RNF4: variants seen among roughly 807,000 people sequenced by gnomAD.
RNF4 encodes the protein E3 ubiquitin-protein ligase RNF4.
RNF4 carries 7 observed loss-of-function variants against 24.3 expected under a neutral mutation model. That is an observed-to-expected ratio of 0.29 (90% CI 0.16 to 0.54). The LOEUF is 0.54. Among genes scored for constraint, RNF4 ranks in the 20% least tolerant of loss-of-function variants. The probability of loss-of-function intolerance (pLI) is 0.95; values close to 1 mark genes in which losing one functional copy is unlikely to be tolerated. For synonymous variants in RNF4, 83 were observed against 84.3 expected (o/e 0.98, Z 0.09); for missense variants, 209 against 248.5 (o/e 0.84, Z 1.07).
At chr4:2,491,599 C>T (rs1735580717) in intron 2 of RNF4, among the ~76,000 whole-genome samples, 1 of 152,144 alleles carries the variant, frequency 6.6e-6, no homozygotes, top group Admixed American at 6.6e-5. Flanking sequence ...CCTACCACCA[C>T]ACCCAGCTGA....
intron 2 of RNF4, among the ~76,000 whole-genome samples, chr4:2,495,159 C>T (rs530768641): frequency 1.3e-5 from 2 of 152,338 alleles, no homozygotes; most frequent in East Asian, 1.9e-4. Context: ...CCTCTGGGCC[C>T]TCCTGGGGCT....
chr4:2,512,660 A>G lies in RNF4; in HGVS notation c.374+63A>G. ...GGATGTGGGGCCAGGGCATGGGAAT[A>G]CTTTTCAGCAAATCTGTGAGCCCTT... On this transcript the variant is annotated intron_variant, in intron 6 of 7. Coordinates refer to ENST00000314289, the MANE Select transcript of RNF4 (RefSeq NM_002938.5). The surrounding 1 kb of genome is among the most constrained non-coding windows in gnomAD (Gnocchi z 4.1). The G allele has an allele frequency of 1.3e-6, 2 of 1,572,772 alleles. No homozygotes were observed. Among genetic ancestry groups the G allele is most frequent in the South Asian group, 1.2e-5 (1 of 85,780 alleles).
intron 4 of RNF4, among the ~76,000 whole-genome samples, chr4:2,508,586 T>A (rs1182278356): frequency 6.6e-6 from 1 of 152,024 alleles, no homozygotes; most frequent in Non-Finnish European, 1.5e-5. Context: ...TGGTTTTTGT[T>A]TTGTTTTGTT....
In RNF4 at chr4:2,513,845, C is replaced by T. The variant is rs763470409; in HGVS notation, c.*26C>T. The T allele has an allele frequency of 8.1e-6, 13 of 1,612,890 alleles. No individual in the cohort carries two copies. Among genetic ancestry groups the T allele is most frequent in the African/African-American group, 1.3e-5 (1 of 74,890 alleles). On this transcript the variant is annotated 3_prime_UTR_variant, in exon 8 of 8. Transcript: ENST00000314289. ...AGTATTCAGAGCCCCCCAGGAGAGACGGATGGACAGACAGACAGCCAGGTT... is the reference window on the plus strand; with the variant it reads ...AGTATTCAGAGCCCCCCAGGAGAGATGGATGGACAGACAGACAGCCAGGTT...
In RNF4 at chr4:2,515,126, G is replaced by A. The variant is rs1431336905; in HGVS notation, c.*1307G>A. On this transcript the variant is annotated 3_prime_UTR_variant, in exon 8 of 8. Transcript: ENST00000314289. ...CCTCTTCCACTGTCGTCCTTCCTCA[G>A]AGGGCCTCACGCCAAACAAACGGCC... 6.6e-6 allele frequency: 1 copy of A among 152,656 alleles called. No individual in the cohort carries two copies. The highest frequency in any genetic ancestry group is 1.5e-5 in the Non-Finnish European group (1 of 68,072). 9.5% of individuals were successfully genotyped at this position (152,656 alleles called of 1,614,324 possible).
chr4:2,496,110 T>C (rs1735728685), intron 2 of RNF4, among the ~76,000 whole-genome samples: 1 of 152,114 alleles, frequency 6.6e-6, no homozygotes. Context: ...GACATGGCTC[T>C]TGGGTAGCCA....
chr4:2,505,581 T>G (rs968325820), intron 4 of RNF4: 1 of 151,196 alleles, frequency 6.6e-6, no homozygotes, highest in East Asian at 1.9e-4. Flanking sequence ...CGCCTCGGCC[T>G]CCCAAAGTGC....
At chr4:2,513,028 TATAATA>T (rs1646195473) in intron 6 of RNF4, 49 bp from the exon 7 acceptor site, 1 of 1,527,984 alleles carries the variant, frequency 6.5e-7, no homozygotes. Flanking sequence ...CGTGACAGGG[TATAATA>T]AAATGTTTGC....
At chr4:2,488,284 G>A (rs1735473846) in intron 1 of RNF4, among the ~76,000 whole-genome samples, 1 of 152,118 alleles carries the variant, frequency 6.6e-6, no homozygotes, top group Non-Finnish European at 1.5e-5. Context: ...CCAACCTGGT[G>A]GAAACCCCAT....
chr4:2,471,365 A>T (rs4974697), intron 1 of RNF4, among the ~76,000 whole-genome samples: 50,164 of 152,008 alleles, frequency 0.33, 9,856 homozygotes, highest in Admixed American at 0.53. Context: ...TTAATTGGTA[A>T]AAGTTGGGTG....
chr4:2,475,046 A>G (rs1313979407), intron 1 of RNF4, among the ~76,000 whole-genome samples: 1 of 151,998 alleles, frequency 6.6e-6, no homozygotes, highest in Non-Finnish European at 1.5e-5. Context: ...AAAAAGAAAA[A>G]CTGTCACAGC....
At chr4:2,513,624 T>C (rs1410250745) in intron 7 of RNF4, 46 bp from the exon 8 acceptor site, 1 of 1,609,012 alleles carries the variant, frequency 6.2e-7, no homozygotes, top group Non-Finnish European at 8.5e-7. Context: ...ATGGCTGCTC[T>C]GGGACAAGGG....
rs187073363 is a variant in RNF4 at position 2,477,314 on chromosome 4, C to T, written c.-158+8056C>T. On this transcript the variant is annotated intron_variant, in intron 1 of 7. Coordinates refer to ENST00000314289, the MANE Select transcript of RNF4 (RefSeq NM_002938.5). ...GAGATCTGATGCTTTAGGTCGGGGG[C>T]GGTGGCTGATGCCTGTAATCCCAGC... Among the ~76,000 whole-genome samples the T allele has an allele frequency of 4.6e-4, 70 of 151,302 alleles. 1 individual carries two copies. The highest frequency in any genetic ancestry group is 1.5e-3 in the African/African-American group (63 of 41,312).
chr4:2,472,595 G>A (rs1211480833), intron 1 of RNF4, among the ~76,000 whole-genome samples: 3 of 100,838 alleles, frequency 3.0e-5, no homozygotes, highest in East Asian at 5.3e-4. Flanking sequence ...TCCACTGCCA[G>A]TCTCTTAAAA....
chr4:2,482,200 A>G (rs1033802101), intron 1 of RNF4, among the ~76,000 whole-genome samples: 2 of 152,168 alleles, frequency 1.3e-5, no homozygotes, highest in African/African-American at 4.8e-5. Context: ...GAGAATTCCC[A>G]TTGTGGGGCA....
chr4:2,488,348 C>T (rs1471570756), intron 1 of RNF4, among the ~76,000 whole-genome samples: 2 of 152,166 alleles, frequency 1.3e-5, no homozygotes, highest in Non-Finnish European at 2.9e-5. Context: ...CCTGTAGTCC[C>T]AGCTACTGGG....
At chr4:2,500,533 T>C (rs946030584) in intron 3 of RNF4, 126 bp from the exon 4 acceptor site, 77 of 889,790 alleles carry the variant, frequency 8.7e-5, no homozygotes, top group Non-Finnish European at 1.2e-4. Context: ...CTCTTTGCAG[T>C]GTATACTTCA....
chr4:2,484,067 T>TTTCCCCCCCCCCCCCCC (rs113878655), intron 1 of RNF4, among the ~76,000 whole-genome samples: 1 of 13,248 alleles, frequency 7.5e-5, no homozygotes, highest in African/African-American at 3.3e-4. Context: ...CCTCAGGTGA[T>TTTCCCCCCCCCCCCCCC]CCCCCCCCGC....
chr4:2,496,618 G>A (rs1174222972), intron 2 of RNF4, among the ~76,000 whole-genome samples: 2 of 152,036 alleles, frequency 1.3e-5, no homozygotes, highest in East Asian at 1.9e-4. Context: ...CTGCCACCAC[G>A]CCCAGCTAAC....
Sources: allele counts gnomAD v4.1 joint callset (sites outside exome capture counted in the v4.1 genomes callset), GRCh38; gene constraint gnomAD v4.1.1; non-coding constraint Gnocchi (gnomAD v3.1); transcripts MANE v1.5; gene names NCBI Gene and HGNC (gene_info 2026-07-23, HGNC 2026-07-21).